ARAP2: variants seen among roughly 807,000 people sequenced by gnomAD.
The protein encoded by ARAP2 is ArfGAP with RhoGAP domain, ankyrin repeat and PH domain 2, also known as arf-GAP with Rho-GAP domain, ANK repeat and PH domain-containing protein 2.
ARAP2 carries 148 observed loss-of-function variants against 194.5 expected under a neutral mutation model. The ratio of observed to expected loss-of-function variants is 0.76; its 90% confidence interval spans 0.67 to 0.87. ARAP2 has a LOEUF of 0.87. ARAP2 is among the 40% of genes least tolerant of loss of function. The pLI is 0.00. For synonymous variants in ARAP2, 695 were observed against 683.5 expected (o/e 1.02, Z -0.26); for missense variants, 2,128 against 1,989.7 (o/e 1.07, Z -1.32).
intron 31 of ARAP2, among the ~76,000 whole-genome samples, chr4:36,075,701 T>A (rs922171543): frequency 6.6e-6 from 1 of 152,262 alleles, no homozygotes; most frequent in Middle Eastern, 3.4e-3. Context: ...TTTATCTGAT[T>A]ACTTATTTAT....
At chr4:36,102,821 G>T (rs1717346376) in intron 27 of ARAP2, among the ~76,000 whole-genome samples, 1 of 151,764 alleles carries the variant, frequency 6.6e-6, no homozygotes, top group African/African-American at 2.4e-5. Context: ...ATGATACAGA[G>T]AGTTAATACA....
intron 27 of ARAP2, among the ~76,000 whole-genome samples, chr4:36,100,054 T>C (rs556299049): frequency 1.3e-5 from 2 of 152,172 alleles, no homozygotes; most frequent in African/African-American, 4.8e-5. Flanking sequence ...TAGGACAGAA[T>C]ATATAAGCTG....
chr4:36,068,279 CTAAAAA>C lies in ARAP2; in HGVS notation c.4744-7_4744-2del. ...GCCTTTCAAGTTCTGCTCTTGCACT[CTAAAAA>C]TAAAATTAAATGTCTCACAGGGAAG... On this transcript the variant is annotated splice_acceptor_variant and splice_polypyrimidine_tract_variant and intron_variant, in intron 32 of 32. Coordinates refer to ENST00000303965, the MANE Select transcript of ARAP2 (RefSeq NM_015230.4). LOFTEE classifies it high-confidence loss of function. 1.3e-6 allele frequency: 2 copies of C among 1,514,718 alleles called. No homozygotes were observed. Among genetic ancestry groups the C allele is most frequent in the Non-Finnish European group, 8.8e-7 (1 of 1,133,330 alleles). The allele number at this position is 1,514,718 out of a possible 1,614,324, so 93.8% of individuals were successfully genotyped here.
intron 31 of ARAP2, among the ~76,000 whole-genome samples, chr4:36,076,609 A>G (rs778519109): frequency 6.7e-6 from 1 of 149,976 alleles, no homozygotes; most frequent in Non-Finnish European, 1.5e-5. Flanking sequence ...TCTCTCCCCA[A>G]CCCTCCTCCA....
intron 20 of ARAP2, among the ~76,000 whole-genome samples, chr4:36,129,857 A>C (rs1043463289): frequency 6.6e-5 from 10 of 151,354 alleles, no homozygotes; most frequent in South Asian, 2.1e-4. Flanking sequence ...ACACACACAC[A>C]CCCATACATC....
intron 15 of ARAP2, among the ~76,000 whole-genome samples, chr4:36,158,048 T>G (rs537776471): frequency 2.0e-4 from 31 of 152,286 alleles, no homozygotes; most frequent in African/African-American, 7.2e-4. Flanking sequence ...TATATTTTCC[T>G]GCCTATATTT....
intron 2 of ARAP2, 76 bp from the exon 3 acceptor site, chr4:36,214,556 A>G (rs936556289): frequency 2.2e-6 from 2 of 909,406 alleles, no homozygotes; most frequent in African/African-American, 3.4e-5. Context: ...AATTATTAGA[A>G]AATATTATGA....
chr4:36,133,439 A>C, intron 19 of ARAP2, 50 bp from the exon 20 acceptor site: 1 of 1,530,960 alleles, frequency 6.5e-7, no homozygotes, highest in Non-Finnish European at 8.9e-7. Flanking sequence ...CTTTAAAAAA[A>C]AATCTTACTC....
downstream of ARAP2, among the ~76,000 whole-genome samples, chr4:36,064,334 C>T (rs567616423): frequency 2.6e-5 from 4 of 152,220 alleles, no homozygotes; most frequent in South Asian, 6.2e-4. Flanking sequence ...ACCCTACCAC[C>T]TCCTATTCCC....
intron 27 of ARAP2, among the ~76,000 whole-genome samples, chr4:36,092,830 C>T (rs1020623565): frequency 3.3e-5 from 5 of 151,790 alleles, no homozygotes; most frequent in East Asian, 1.9e-4. Context: ...AATGCAAATG[C>T]GCAGATAAAA....
chr4:36,084,346 C>T (rs1020705365), intron 28 of ARAP2, among the ~76,000 whole-genome samples: 1 of 152,030 alleles, frequency 6.6e-6, no homozygotes, highest in African/African-American at 2.4e-5. Flanking sequence ...CTCCCCATCA[C>T]CAATGTTGAC....
intron 2 of ARAP2, chr4:36,057,820 A>G (rs1376602971): frequency 1.3e-5 from 2 of 151,442 alleles, no homozygotes; most frequent in Non-Finnish European, 2.9e-5. Flanking sequence ...TAACAGCTTG[A>G]TCATTTGGGG....
At chr4:36,196,691 G>A (rs1214859334) in intron 6 of ARAP2, among the ~76,000 whole-genome samples, 11 of 152,074 alleles carry the variant, frequency 7.2e-5, no homozygotes, top group Admixed American at 7.2e-4. Flanking sequence ...CTGCCCTACA[G>A]GTGGAGAAAG....
chr4:36,203,749 C>T (rs548966994), intron 6 of ARAP2, among the ~76,000 whole-genome samples: 1 of 152,034 alleles, frequency 6.6e-6, no homozygotes, highest in South Asian at 2.1e-4. Context: ...ATAGCAAGGC[C>T]CATCAGAGCC....
intron 19 of ARAP2, among the ~76,000 whole-genome samples, chr4:36,139,914 A>G (rs1455991480): frequency 6.6e-6 from 1 of 151,568 alleles, no homozygotes; most frequent in Non-Finnish European, 1.5e-5. Context: ...GTATCAATCT[A>G]TCTTTCCAGG....
intron 2 of ARAP2, among the ~76,000 whole-genome samples, chr4:36,215,223 A>G (rs1747656047): frequency 6.6e-6 from 1 of 152,240 alleles, no homozygotes; most frequent in Non-Finnish European, 1.5e-5. Context: ...TCATTGTGCC[A>G]TTGCTGAAAG....
At chr4:36,188,930 G>A (rs1015454284) in intron 7 of ARAP2, among the ~76,000 whole-genome samples, 1 of 152,150 alleles carries the variant, frequency 6.6e-6, no homozygotes, top group Non-Finnish European at 1.5e-5. Context: ...TATCATCATG[G>A]CATTATCTCT....
At chr4:36,093,866 A>C (rs560457520) in intron 27 of ARAP2, among the ~76,000 whole-genome samples, 1 of 152,164 alleles carries the variant, frequency 6.6e-6, no homozygotes, top group Non-Finnish European at 1.5e-5. Context: ...AGAACATAAG[A>C]TATTTGGTAA....
intron 11 of ARAP2, among the ~76,000 whole-genome samples, chr4:36,161,996 T>A (rs1201547082): frequency 6.6e-6 from 1 of 151,578 alleles, no homozygotes; most frequent in Non-Finnish European, 1.5e-5. Context: ...TAGTCCCAGC[T>A]ACTCGGGAGG....
Sources: allele counts gnomAD v4.1 joint callset (sites outside exome capture counted in the v4.1 genomes callset), GRCh38; gene constraint gnomAD v4.1.1; transcripts MANE v1.5; gene names NCBI Gene and HGNC (gene_info 2026-07-23, HGNC 2026-07-21).